TARS3: variants seen among roughly 807,000 people sequenced by gnomAD.
TARS3 encodes the protein threonine--tRNA ligase 2, cytoplasmic.
A neutral mutation model predicts 103.5 loss-of-function variants in TARS3; 94 were observed. The observed-to-expected ratio is 0.91, with a 90% CI of 0.77 to 1.08. The LOEUF is 1.08. Ranked by LOEUF, TARS3 falls within the 50% of genes least tolerant of loss-of-function variation. The pLI is 0.00. For synonymous variants in TARS3, 416 were observed against 355.4 expected (o/e 1.17, Z -1.92); for missense variants, 952 against 995.2 (o/e 0.96, Z 0.58).
At chr15:101,702,722 T>A (rs370807385) in intron 8 of TARS3, among the ~76,000 whole-genome samples, 23 of 152,290 alleles carry the variant, frequency 1.5e-4, no homozygotes, top group South Asian at 6.2e-4. Flanking sequence ...GTGAGCAGTG[T>A]TTGTGCCACT....
intron 15 of TARS3, among the ~76,000 whole-genome samples, chr15:101,668,828 G>A (rs1034586234): frequency 2.0e-5 from 3 of 152,138 alleles, no homozygotes; most frequent in Non-Finnish European, 2.9e-5. Context: ...TGAGGCTGGT[G>A]TAAATAAATC....
At position 101,671,654 on chromosome 15, in the gene TARS3, G is replaced by A. The variant is rs748421785; in HGVS notation, c.1866+17C>T. On this transcript the variant is annotated intron_variant, in intron 14 of 18. Coordinates refer to ENST00000335968, the MANE Select transcript of TARS3 (RefSeq NM_152334.3). ...TTCTTTTACATTTTGCTGTTTTGAA[G>A]CATGTGGTCGACTCACTTTAGGGCC... 11 of 1,613,540 alleles carry A rather than the reference G, an allele frequency of 6.8e-6. 1 individual carries two copies. The South Asian group carries it at 1.2e-4, about 18-fold the overall frequency.
chr15:101,657,227 T>C (rs1328020546), intron 17 of TARS3, among the ~76,000 whole-genome samples, 191 bp from the exon 18 acceptor site: 2 of 152,254 alleles, frequency 1.3e-5, no homozygotes, highest in Non-Finnish European at 2.9e-5. Context: ...TATAAAAGGC[T>C]GCAGCTCCCA....
chr15:101,711,954 A>C lies in TARS3; in HGVS notation c.738T>G (p.Leu246=). 1 of 1,613,960 alleles carries C rather than the reference A, an allele frequency of 6.2e-7. No individual in the cohort carries two copies. The highest frequency in any genetic ancestry group is 8.5e-7 in the Non-Finnish European group (1 of 1,179,832). ...SAHILGEAME[L]YYGGHLCYGP... Reference sequence around the variant, plus strand: ...CGTAGCACAGGTGGCCTCCATAGTAAAGCTCCATGGCCTCCCCAAGAATGT... The same window carrying C: ...CGTAGCACAGGTGGCCTCCATAGTACAGCTCCATGGCCTCCCCAAGAATGT... Residue 246 remains leucine (L), a synonymous_variant, in exon 5 of 19, where the codon CTT becomes CTG. Coordinates refer to ENST00000335968, the MANE Select transcript of TARS3 (RefSeq NM_152334.3).
intron 10 of TARS3, among the ~76,000 whole-genome samples, chr15:101,695,585 A>G (rs576800030): frequency 8.0e-5 from 12 of 149,274 alleles, no homozygotes; most frequent in Non-Finnish European, 1.6e-4. Context: ...AGATGCGGGC[A>G]TATGTTTTTA....
At chr15:101,700,045 T>G (rs775529641) in intron 10 of TARS3, among the ~76,000 whole-genome samples, 2 of 152,128 alleles carry the variant, frequency 1.3e-5, no homozygotes, top group Non-Finnish European at 2.9e-5. Context: ...AAAAAAAAAT[T>G]ACTGAGCAAT....
chr15:101,711,212 G>T (rs1899851654), intron 5 of TARS3, among the ~76,000 whole-genome samples: 1 of 152,138 alleles, frequency 6.6e-6, no homozygotes. Context: ...TAGATAAATA[G>T]CATATCATAT....
chr15:101,683,303 GT>G (rs1898330619), intron 12 of TARS3, among the ~76,000 whole-genome samples: 1 of 151,956 alleles, frequency 6.6e-6, no homozygotes. Flanking sequence ...TATTTCATTT[GT>G]TATATAAAAT....
At chr15:101,672,094 G>A (rs1214642287) in intron 13 of TARS3, among the ~76,000 whole-genome samples, 1 of 151,966 alleles carries the variant, frequency 6.6e-6, no homozygotes, top group Non-Finnish European at 1.5e-5. Flanking sequence ...TCCTGGTGAC[G>A]GGCCTCCACA....
chr15:101,716,401 T>C (rs778437060), intron 3 of TARS3, among the ~76,000 whole-genome samples: 2 of 152,246 alleles, frequency 1.3e-5, no homozygotes, highest in Non-Finnish European at 2.9e-5. Flanking sequence ...GAAATTACCA[T>C]TGATGTTTTG....
intron 10 of TARS3, among the ~76,000 whole-genome samples, chr15:101,696,824 T>C (rs1264655961): frequency 1.3e-5 from 2 of 152,152 alleles, no homozygotes; most frequent in Non-Finnish European, 2.9e-5. Context: ...CACCACTGAT[T>C]TACACAACTG....
chr15:101,671,809 C>A, intron 13 of TARS3, 61 bp from the exon 14 acceptor site: 2 of 1,364,174 alleles, frequency 1.5e-6, no homozygotes, highest in Non-Finnish European at 2.0e-6. Flanking sequence ...TTACATACAG[C>A]TCACAAAAGT....
intron 10 of TARS3, among the ~76,000 whole-genome samples, chr15:101,693,430 G>A (rs545029000): frequency 2.0e-5 from 3 of 152,156 alleles, no homozygotes; most frequent in African/African-American, 7.2e-5. Flanking sequence ...CCACCCCCAC[G>A]ATTCAATTAT....
chr15:101,684,638 AAC>A (rs1269103147), intron 11 of TARS3, among the ~76,000 whole-genome samples: 1 of 152,140 alleles, frequency 6.6e-6, no homozygotes, highest in African/African-American at 2.4e-5. Flanking sequence ...GTCTTTTTAT[AAC>A]AGATTGTCTA....
In TARS3 at chr15:101,674,808, AAAAAAAAG is replaced by A. The variant is rs1435052813; in HGVS notation, c.1788+784_1788+791del. The stretch of plus-strand genomic sequence containing the variant: ...CAACAGAGCAAGACTCCGTCTCAAA[AAAAAAAAG>A]AAAAAAAGAAAAAAAGAAAGGGCAT... On this transcript the variant is annotated intron_variant, in intron 13 of 18. Transcript: ENST00000335968. Among the ~76,000 whole-genome samples, 173 of 152,182 alleles carry A rather than the reference AAAAAAAAG, an allele frequency of 1.1e-3. 2 individuals carry two copies. Among genetic ancestry groups the A allele is most frequent in the African/African-American group, 2.9e-3 (122 of 41,506 alleles).
At chr15:101,699,321 G>C in intron 10 of TARS3, 1 of 447,124 alleles carries the variant, frequency 2.2e-6, no homozygotes, top group Non-Finnish European at 4.5e-6. Context: ...TTCCCAACCA[G>C]TGCCCTTACC....
In TARS3 at chr15:101,723,106, T is replaced by G. The variant is rs1434816307; in HGVS notation, c.356A>C (p.Glu119Ala). The part of the protein sequence containing the change: ...DMKKKKMKES[E>A]ADSEVKHQPI... The stretch of plus-strand genomic sequence containing the variant: ...GCAACAACTTACCTCGCTGTCAGCC[T>G]CGCTTTCCTTCATTTTCTTCTTTTT... The change falls in exon 2 of 19, where the codon GAG (glutamate) becomes GCG (alanine). Residue 119 changes from glutamate to alanine, a missense_variant. Glu to Ala is a moderately radical substitution (Grantham distance 107, BLOSUM62 -1). Coordinates refer to ENST00000335968, the MANE Select transcript of TARS3 (RefSeq NM_152334.3). 2 of 1,614,066 alleles carry G rather than the reference T, an allele frequency of 1.2e-6. No individual in the cohort carries two copies. The highest frequency in any genetic ancestry group is 1.3e-5 in the African/African-American group (1 of 74,928).
intron 10 of TARS3, among the ~76,000 whole-genome samples, chr15:101,690,772 G>C (rs893173159): frequency 9.2e-5 from 14 of 152,202 alleles, no homozygotes; most frequent in Admixed American, 7.2e-4. Context: ...TTTTTTCTAT[G>C]TGATTTTAAT....
chr15:101,660,184 C>T (rs962801084), intron 16 of TARS3, among the ~76,000 whole-genome samples: 31 of 152,148 alleles, frequency 2.0e-4, no homozygotes, highest in Admixed American at 1.5e-3. Flanking sequence ...GGACTGTGCC[C>T]GGCAATAGTA....
Sources: gnomAD v4.1 joint callset for allele counts (sites outside exome capture counted in the v4.1 genomes callset) on GRCh38, gnomAD v4.1.1 for gene constraint, MANE v1.5 for transcripts, NCBI Gene and HGNC (gene_info 2026-07-23, HGNC 2026-07-21) for gene names.